The following DLGAP2 variants were observed in gnomAD, a reference collection of about 807,000 sequenced individuals.
DLGAP2 encodes the protein disks large-associated protein 2.
Under a neutral mutation model 100.3 loss-of-function variants are expected in DLGAP2, and 26 were observed. The observed-to-expected ratio is 0.26, with a 90% CI of 0.19 to 0.36. The LOEUF (loss-of-function observed/expected upper bound fraction) is 0.36. DLGAP2 is among the 10% of genes least tolerant of loss of function. The pLI, the probability that DLGAP2 is intolerant of heterozygous loss-of-function variation, is 1.00. For synonymous variants in DLGAP2, 886 were observed against 630.1 expected, an observed-to-expected ratio of 1.41 and a Z score of -6.08; for missense variants, 1,858 against 1,453.2, an observed-to-expected ratio of 1.28 and a Z score of -4.53.
intron 1 of DLGAP2, among the ~76,000 whole-genome samples, chr8:864,790 A>C (rs896888451): frequency 6.6e-6 from 1 of 152,138 alleles, no homozygotes; most frequent in African/African-American, 2.4e-5. Flanking sequence ...TAACACTGAG[A>C]ATTTGTTTTT....
chr8:1,255,032 CT>C (rs1563043435), intron 2 of DLGAP2, among the ~76,000 whole-genome samples: 1 of 72,396 alleles, frequency 1.4e-5, no homozygotes, highest in Non-Finnish European at 3.1e-5. Flanking sequence ...GTGTCTTCTC[CT>C]GCCCAGCCGC....
intron 6 of DLGAP2, among the ~76,000 whole-genome samples, chr8:1,572,116 A>G (rs1584941453): frequency 1.8e-5 from 2 of 113,794 alleles, no homozygotes; most frequent in Admixed American, 8.9e-5. Context: ...GAGAGGAGAG[A>G]GGGTGAACTG....
chr8:1,451,476 G>C (rs76014966), intron 3 of DLGAP2, among the ~76,000 whole-genome samples: 306 of 150,290 alleles, frequency 2.0e-3, no homozygotes, highest in Non-Finnish European at 3.5e-3. Flanking sequence ...CAGGGTCCCT[G>C]TCCCGCCTTG....
intron 4 of DLGAP2, among the ~76,000 whole-genome samples, chr8:1,539,575 A>G (rs1801284816): frequency 1.3e-5 from 2 of 151,700 alleles, no homozygotes; most frequent in Admixed American, 6.6e-5. Context: ...CCTCACCGGG[A>G]GCTGTGATGG....
chr8:1,532,563 G>T (rs1227159113), intron 4 of DLGAP2, among the ~76,000 whole-genome samples: 1 of 152,146 alleles, frequency 6.6e-6, no homozygotes, highest in African/African-American at 2.4e-5. Context: ...TTATTTCTCA[G>T]AAGGTCACAC....
intron 6 of DLGAP2, among the ~76,000 whole-genome samples, chr8:1,569,938 TC>T (rs2130592406): frequency 6.6e-6 from 1 of 151,832 alleles, no homozygotes; most frequent in East Asian, 1.9e-4. Flanking sequence ...GGGTAGATCT[TC>T]ACCCCATGGC....
chr8:1,637,057 C>T (rs1000827463), intron 8 of DLGAP2, among the ~76,000 whole-genome samples: 5 of 152,218 alleles, frequency 3.3e-5, no homozygotes, highest in African/African-American at 1.2e-4. Context: ...ACCCGTCTGG[C>T]CGCCGGCTGG....
At chr8:1,429,901 C>A (rs1343083322) in intron 3 of DLGAP2, among the ~76,000 whole-genome samples, 1 of 149,268 alleles carries the variant, frequency 6.7e-6, no homozygotes, top group Non-Finnish European at 1.5e-5. Context: ...ATGCTCAGAA[C>A]CCATTTTACC....
intron 3 of DLGAP2, among the ~76,000 whole-genome samples, chr8:1,417,400 G>A (rs976496498): frequency 6.6e-6 from 1 of 152,194 alleles, no homozygotes; most frequent in African/African-American, 2.4e-5. Context: ...ATCAGGACAC[G>A]GAGCCTCTGA....
intron 12 of DLGAP2, chr8:1,680,568 A>C (rs1798920656): frequency 6.6e-6 from 1 of 152,276 alleles, no homozygotes; most frequent in African/African-American, 2.4e-5. Flanking sequence ...TGGACGCCGA[A>C]TGTTGGGGAG....
chr8:1,203,889 C>T (rs557746877), intron 2 of DLGAP2, among the ~76,000 whole-genome samples: 2 of 151,682 alleles, frequency 1.3e-5, no homozygotes, highest in East Asian at 3.9e-4. Flanking sequence ...GTAGGAAGTG[C>T]CTGTATCAGG....
At chr8:1,382,954 T>C (rs1486559585) in intron 3 of DLGAP2, among the ~76,000 whole-genome samples, 1 of 152,148 alleles carries the variant, frequency 6.6e-6, no homozygotes, top group Non-Finnish European at 1.5e-5. Context: ...GAGACCCTAA[T>C]CAATGAGAAA....
chr8:1,197,945 G>A lies in DLGAP2; in HGVS notation c.74-60906G>A, dbSNP rs72507633. On this transcript the variant is annotated intron_variant, in intron 2 of 14. Transcript: ENST00000637795. ...ATCCTCCCAGAACTGGCCCACATGTGCATCTGTCCTCACCCTTGCACACCC... is the reference window on the plus strand; with the variant it reads ...ATCCTCCCAGAACTGGCCCACATGTACATCTGTCCTCACCCTTGCACACCC... Among the ~76,000 whole-genome samples the A allele has an allele frequency of 1.7e-3, 265 of 152,270 alleles. 5 individuals carry two copies. The East Asian group carries it at 0.049, about 28-fold the overall frequency.
chr8:1,635,270 G>T (rs1418502853), intron 8 of DLGAP2, among the ~76,000 whole-genome samples: 1 of 152,160 alleles, frequency 6.6e-6, no homozygotes, highest in Non-Finnish European at 1.5e-5. Context: ...CTCCCAGTCT[G>T]GGAAAACAAA....
rs900794757 is a variant in DLGAP2 at position 1,243,666 on chromosome 8, C to A, written c.74-15185C>A. On this transcript the variant is annotated intron_variant, in intron 2 of 14. Coordinates refer to ENST00000637795, the MANE Select transcript of DLGAP2 (RefSeq NM_001346810.2). The stretch of plus-strand genomic sequence containing the variant: ...TGGCACGGTTCCCATGTCCCATACT[C>A]GGTGGGGCTGGAGCCTGCCGATGCC... Among the ~76,000 whole-genome samples, 3 of 152,202 alleles carry A rather than the reference C, an allele frequency of 2.0e-5. No individual in the cohort carries two copies. The East Asian group carries it at 5.8e-4, about 29-fold the overall frequency.
chr8:753,063 A>G (rs1465713204), intron 1 of DLGAP2, among the ~76,000 whole-genome samples: 3 of 152,192 alleles, frequency 2.0e-5, no homozygotes, highest in Non-Finnish European at 4.4e-5. Flanking sequence ...TATTTGGGGC[A>G]AGTGTTACCA....
intron 3 of DLGAP2, among the ~76,000 whole-genome samples, chr8:1,386,330 A>G (rs1882799): frequency 0.54 from 82,236 of 152,076 alleles, 22,474 homozygotes; most frequent in East Asian, 0.7. Flanking sequence ...CCCCAGAACA[A>G]TGAATACAAC....
At chr8:835,000 CTACAT>C (rs941442268) in intron 1 of DLGAP2, among the ~76,000 whole-genome samples, 1 of 152,166 alleles carries the variant, frequency 6.6e-6, no homozygotes, top group African/African-American at 2.4e-5. Flanking sequence ...GTGCACATGT[CTACAT>C]TATGTTGGGG....
At position 1,632,827 on chromosome 8, in the gene DLGAP2, G is replaced by A; in HGVS notation, c.1591G>A (p.Val531Met). Residue 531 changes from valine (V) to methionine (M), a missense_variant and splice_region_variant, in exon 8 of 15, where the codon GTG becomes ATG. Physicochemically the swap from Val to Met is conservative, Grantham distance 21. Coordinates refer to ENST00000637795, the MANE Select transcript of DLGAP2 (RefSeq NM_001346810.2). ...TCACGTGTGCTGTTGATGATTGCAG[G>A]TGAGCGAGGCGGAGATCAATGGGCA... ...TLSQASCVSQ[V>M]SEAEINGQFE... 6.2e-7 allele frequency: 1 copy of A among 1,604,040 alleles called. No homozygotes were observed.
Sources: gnomAD v4.1 joint callset for allele counts (sites outside exome capture counted in the v4.1 genomes callset) on GRCh38, gnomAD v4.1.1 for gene constraint, MANE v1.5 for transcripts, NCBI Gene and HGNC (gene_info 2026-07-23, HGNC 2026-07-21) for gene names.